TBC1D5: variants seen among roughly 807,000 people sequenced by gnomAD.
TBC1D5 encodes the protein TBC1 domain family member 5, also known as TBC1 domain family, member 5.
A neutral mutation model predicts 100.3 loss-of-function variants in TBC1D5; 75 were observed. The observed-to-expected ratio is 0.75, with a 90% CI of 0.62 to 0.91. TBC1D5 has a LOEUF of 0.91. TBC1D5 is among the 40% of genes least tolerant of loss of function. The probability of loss-of-function intolerance (pLI) is 0.00; values close to 1 mark genes in which losing one functional copy is unlikely to be tolerated. For missense variants in TBC1D5, 910 were observed against 942.4 expected (o/e 0.97, Z 0.45); for synonymous variants, 323 against 325.6 (o/e 0.99, Z 0.09).
intron 2 of TBC1D5, among the ~76,000 whole-genome samples, chr3:17,541,639 G>C (rs573719993): frequency 6.6e-6 from 1 of 152,332 alleles, no homozygotes; most frequent in East Asian, 1.9e-4. Flanking sequence ...TCTGTGAACA[G>C]AGATAATTTT....
intron 13 of TBC1D5, among the ~76,000 whole-genome samples, chr3:17,354,775 T>C (rs1286241369): frequency 6.6e-6 from 1 of 151,838 alleles, no homozygotes; most frequent in Non-Finnish European, 1.5e-5. Flanking sequence ...TTTTGTTTCC[T>C]AGAAGAAGTC....
chr3:17,717,128 G>T (rs1477371663), intron 1 of TBC1D5, among the ~76,000 whole-genome samples: 1 of 151,960 alleles, frequency 6.6e-6, no homozygotes, highest in Non-Finnish European at 1.5e-5. Context: ...CCAGTAAACA[G>T]TACAAGTAAA....
chr3:17,704,336 C>T (rs1005415433), intron 1 of TBC1D5, among the ~76,000 whole-genome samples: 6 of 151,896 alleles, frequency 4.0e-5, no homozygotes, highest in African/African-American at 1.4e-4. Flanking sequence ...TACACAGACA[C>T]GGCAACCATC....
intron 13 of TBC1D5, among the ~76,000 whole-genome samples, chr3:17,359,065 T>C (rs1371682925): frequency 7.8e-6 from 1 of 127,426 alleles, no homozygotes; most frequent in Non-Finnish European, 1.5e-5. Flanking sequence ...TTTAAAACTA[T>C]AAAAATAAGA....
chr3:17,177,219 C>T (rs1025382077), intron 19 of TBC1D5, among the ~76,000 whole-genome samples: 1 of 152,154 alleles, frequency 6.6e-6, no homozygotes, highest in African/African-American at 2.4e-5. Flanking sequence ...GAAAGTTGGA[C>T]AGTCTGTACT....
intron 1 of TBC1D5, among the ~76,000 whole-genome samples, chr3:17,738,380 C>T (rs1405882542): frequency 2.0e-5 from 3 of 151,612 alleles, no homozygotes; most frequent in Non-Finnish European, 4.4e-5. Flanking sequence ...CACACTCACA[C>T]ATACACACAC....
At position 17,712,960 on chromosome 3, in the gene TBC1D5, TTA is replaced by T. The variant is rs201779661; in HGVS notation, c.-101+26381_-101+26382del. Among the ~76,000 whole-genome samples, 76 of 152,292 alleles carry T rather than the reference TTA, an allele frequency of 5.0e-4. 2 individuals carry two copies. The East Asian group carries it at 0.015, about 29-fold the overall frequency. On this transcript the variant is annotated intron_variant, in intron 1 of 21. Transcript: ENST00000253692. ...ATGACCCTTTCTGACAGCCTACTTT[TTA>T]TGTTTCTCCTATCCCTCCCATTCTT...
chr3:17,233,556 G>C, intron 17 of TBC1D5, 129 bp downstream of exon 18: 1 of 575,148 alleles, frequency 1.7e-6, no homozygotes. Context: ...CTCAGTGGCT[G>C]AACAATGGTA....
At chr3:17,599,681 C>A (rs550932994) in intron 2 of TBC1D5, among the ~76,000 whole-genome samples, 232 of 152,156 alleles carry the variant, frequency 1.5e-3, no homozygotes, top group Non-Finnish European at 1.8e-3. Flanking sequence ...TTGTAACACA[C>A]CCCTAGACCT....
chr3:17,502,256 TGGC>T (rs1312086247), intron 3 of TBC1D5, among the ~76,000 whole-genome samples: 1 of 149,884 alleles, frequency 6.7e-6, no homozygotes, highest in African/African-American at 2.5e-5. Flanking sequence ...TACAGAGTGC[TGGC>T]GTATGGATTC....
At chr3:17,686,278 C>T (rs1277242812) in intron 1 of TBC1D5, among the ~76,000 whole-genome samples, 3 of 152,020 alleles carry the variant, frequency 2.0e-5, no homozygotes, top group African/African-American at 7.2e-5. Context: ...ATAAATCAGC[C>T]TTCATTTAAC....
chr3:17,241,417 G>A (rs998090399), intron 16 of TBC1D5, among the ~76,000 whole-genome samples: 1 of 152,158 alleles, frequency 6.6e-6, no homozygotes, highest in Non-Finnish European at 1.5e-5. Context: ...TAAACAGCAA[G>A]AGGAATTTGG....
intron 13 of TBC1D5, among the ~76,000 whole-genome samples, chr3:17,355,475 TTCCTCTTTAGGTAA>T (rs1293764222): frequency 1.3e-5 from 2 of 152,106 alleles, no homozygotes; most frequent in African/African-American, 4.8e-5. Context: ...CAGCCTGGAT[TTCCTCTTTAGGTAA>T]TCTACAAGTT....
chr3:17,710,880 T>C (rs2074663401), intron 1 of TBC1D5, among the ~76,000 whole-genome samples: 1 of 152,046 alleles, frequency 6.6e-6, no homozygotes, highest in Admixed American at 6.6e-5. Context: ...GTATTTTTAG[T>C]AGAGACGGAG....
chr3:17,408,908 T>TC (rs2093847173), intron 4 of TBC1D5, among the ~76,000 whole-genome samples: 1 of 152,164 alleles, frequency 6.6e-6, no homozygotes, highest in African/African-American at 2.4e-5. Context: ...GGGGCTTTTT[T>TC]CCCCATTTTA....
At chr3:17,295,493 G>A (rs1160593491) in intron 14 of TBC1D5, among the ~76,000 whole-genome samples, 1 of 152,158 alleles carries the variant, frequency 6.6e-6, no homozygotes, top group East Asian at 1.9e-4. Context: ...TTCTGGAGTG[G>A]TCTGAAGAGA....
At chr3:17,522,849 T>G (rs1051605003) in intron 2 of TBC1D5, among the ~76,000 whole-genome samples, 3 of 152,184 alleles carry the variant, frequency 2.0e-5, no homozygotes, top group Non-Finnish European at 4.4e-5. Context: ...TTACATGAAA[T>G]CATTGCATAA....
chr3:17,264,790 C>T (rs990016066), intron 15 of TBC1D5, among the ~76,000 whole-genome samples: 2 of 152,178 alleles, frequency 1.3e-5, no homozygotes, highest in African/African-American at 4.8e-5. Flanking sequence ...AAGTTCCCAG[C>T]ACAATACCAG....
intron 2 of TBC1D5, among the ~76,000 whole-genome samples, chr3:17,557,546 T>C (rs1474837390): frequency 6.6e-5 from 10 of 152,164 alleles, no homozygotes; most frequent in Admixed American, 6.5e-4. Context: ...GTTTGTTTTG[T>C]TGTTGTTGTT....
Sources: allele counts gnomAD v4.1 joint callset (sites outside exome capture counted in the v4.1 genomes callset), GRCh38; gene constraint gnomAD v4.1.1; transcripts MANE v1.5; gene names NCBI Gene and HGNC (gene_info 2026-07-23, HGNC 2026-07-21).